Variants in ZNF462 observed in about 807,000 individuals in gnomAD.
ZNF462 encodes the protein zinc finger PBX1-interacting protein.
A neutral mutation model predicts 201.9 loss-of-function variants in ZNF462; 10 were observed. That is an observed-to-expected ratio of 0.05 (90% CI 0.03 to 0.08). ZNF462 has a LOEUF of 0.08. ZNF462 is among the 10% of genes least tolerant of loss of function. ZNF462 has a pLI of 1.00. For synonymous variants in ZNF462, 1,227 were observed against 1,193.3 expected, an observed-to-expected ratio of 1.03 and a Z score of -0.58; for missense variants, 2,523 against 3,168.3, an observed-to-expected ratio of 0.80 and a Z score of 4.89.
In ZNF462 at chr9:106,984,462, A is replaced by C; in HGVS notation, c.7056+53A>C. 1 of 1,454,036 alleles carries C rather than the reference A, an allele frequency of 6.9e-7. No homozygotes were observed. Among genetic ancestry groups the C allele is most frequent in the Non-Finnish European group, 9.4e-7 (1 of 1,059,328 alleles). The allele number at this position is 1,454,036 out of a possible 1,614,324, so 90.1% of individuals were successfully genotyped here. A position where few individuals can be genotyped will look rare whatever the true frequency, so the allele number is the denominator to read the frequency against. ...CTCAGCACACTTGTGGGGAGGGGCC[A>C]AGGGGGAGACACCACTGCATTTAGT... On this transcript the variant is annotated intron_variant, in intron 10 of 12. Coordinates refer to ENST00000277225, the MANE Select transcript of ZNF462 (RefSeq NM_021224.6). The surrounding 1 kb of genome is among the most constrained non-coding windows in gnomAD (Gnocchi z 6.4).
rs556851504 is a variant in ZNF462, at chr9:106,984,474, C to G, written c.7056+65C>G. Reference sequence around the variant, plus strand: ...GTGGGGAGGGGCCAAGGGGGAGACACCACTGCATTTAGTCACGACCACTGT... The same window carrying G: ...GTGGGGAGGGGCCAAGGGGGAGACAGCACTGCATTTAGTCACGACCACTGT... On this transcript the variant is annotated intron_variant, in intron 10 of 12. Coordinates refer to ENST00000277225, the MANE Select transcript of ZNF462 (RefSeq NM_021224.6). The surrounding 1 kb of genome is among the most constrained non-coding windows in gnomAD (Gnocchi z 6.4). 5 of 1,318,428 alleles carry G rather than the reference C, an allele frequency of 3.8e-6. No homozygotes were observed. The highest frequency in any genetic ancestry group is 5.3e-6 in the Non-Finnish European group (5 of 945,338). 81.7% of individuals were successfully genotyped at this position (1,318,428 alleles called of 1,614,324 possible).
Position 106,961,458 on chromosome 9 carries a change from A to G in ZNF462, c.6428-10547A>G, listed in dbSNP as rs555226848. On this transcript the variant is annotated intron_variant, in intron 7 of 12. Coordinates refer to ENST00000277225, the MANE Select transcript of ZNF462 (RefSeq NM_021224.6). Reference sequence around the variant, plus strand: ...GAAGACTCTTAAACCTCAGTATCCAAAGAGAGAGTAGCATTTGGTCAGTTG... The same window carrying G: ...GAAGACTCTTAAACCTCAGTATCCAGAGAGAGAGTAGCATTTGGTCAGTTG... Among the ~76,000 whole-genome samples the G allele has an allele frequency of 2.0e-5, 3 of 152,178 alleles. No homozygotes were observed. In the East Asian group the frequency reaches 5.8e-4, roughly 29 times the overall value.
Position 107,003,484 on chromosome 9 carries a change from C to G in ZNF462, c.7189+58C>G. 3 of 1,590,122 alleles carry G rather than the reference C, an allele frequency of 1.9e-6. No homozygotes were observed. The highest frequency in any genetic ancestry group is 1.1e-5 in the South Asian group (1 of 87,494). On this transcript the variant is annotated intron_variant, in intron 11 of 12. Coordinates refer to ENST00000277225, the MANE Select transcript of ZNF462 (RefSeq NM_021224.6). This position sits in a 1 kb window ranked among gnomAD's most constrained non-coding sequence, Gnocchi z 4.4. ...GGCATCTGGCATGTCCGTAGTGAGA[C>G]AGAAGGGAGGCAGGAGGTTGTTGTA...
rs1828446009 is a variant in ZNF462, at chr9:106,993,511, G to A, written c.7056+9102G>A. 1.3e-5 allele frequency among the ~76,000 whole-genome samples: 2 copies of A among 151,988 alleles called. No homozygotes were observed. Among genetic ancestry groups the A allele is most frequent in the South Asian group, 4.2e-4 (2 of 4,814 alleles). ...TTAGGATCTAAAGGAAACAGTGCAG[G>A]TTATTTGAAATTTTATTTTTTTATC... On this transcript the variant is annotated intron_variant, in intron 10 of 12. Transcript: ENST00000277225. This position sits in a 1 kb window ranked among gnomAD's most constrained non-coding sequence, Gnocchi z 4.0.
Position 106,863,375 on chromosome 9 carries a change from A to AACC in ZNF462, c.-31+24_-31+26dup. The stretch of plus-strand genomic sequence containing the variant: ...TCTTCTGTAAGTTACTGCAATTAAC[A>AACC]ACCACCTCGGGGTGGTCCGAGTGCT... On this transcript the variant is annotated intron_variant, in intron 1 of 12. Transcript: ENST00000277225. The AACC allele has an allele frequency of 2.5e-6, 1 of 394,756 alleles. No homozygotes were observed. The highest frequency in any genetic ancestry group is 6.4e-4 in the Middle Eastern group (1 of 1,560). 24.5% of individuals were successfully genotyped at this position (394,756 alleles called of 1,614,324 possible). A position where few individuals can be genotyped will look rare whatever the true frequency, so the allele number is the denominator to read the frequency against.
At chr9:106,956,032 C>A in intron 7 of ZNF462, among the ~76,000 whole-genome samples, 1 of 152,088 alleles carries the variant, frequency 6.6e-6, no homozygotes, top group Admixed American at 6.6e-5. Context: ...ATTTTGACGT[C>A]CTCCCATGAA....
In ZNF462 at chr9:106,974,904, A is replaced by G. The variant is rs962418156; in HGVS notation, c.6832+631A>G. On this transcript the variant is annotated intron_variant, in intron 9 of 12. Transcript: ENST00000277225. The surrounding 1 kb of genome is among the most constrained non-coding windows in gnomAD (Gnocchi z 4.0). ...TGATTGTACCTATGAGATAATGGGT[A>G]AAGTGTCCAGTGGTTTTTCATAATG... 7 of 152,848 alleles carry G rather than the reference A, an allele frequency of 4.6e-5. No individual in the cohort carries two copies. Among genetic ancestry groups the G allele is most frequent in the African/African-American group, 1.7e-4 (7 of 41,448 alleles). 9.5% of individuals were successfully genotyped at this position (152,848 alleles called of 1,614,324 possible).
At chr9:106,975,272 C>T (rs1275144421) in intron 9 of ZNF462, 1 of 152,170 alleles carries the variant, frequency 6.6e-6, no homozygotes, top group African/African-American at 2.4e-5. Flanking sequence ...CTTAGAAAGC[C>T]TTCCAATATT....
chr9:106,955,494 T>C (rs1831534682), intron 7 of ZNF462, among the ~76,000 whole-genome samples: 1 of 152,204 alleles, frequency 6.6e-6, no homozygotes, highest in African/African-American at 2.4e-5. Context: ...TGCTGACTGA[T>C]CAGGGTGGTG....
rs959512534 is a variant in ZNF462, at chr9:106,938,128, T to C, written c.6236-788T>C. On this transcript the variant is annotated intron_variant, in intron 6 of 12. Coordinates refer to ENST00000277225, the MANE Select transcript of ZNF462 (RefSeq NM_021224.6). The surrounding 1 kb of genome is among the most constrained non-coding windows in gnomAD (Gnocchi z 4.4). ...AAGGTAAATCACACTTTAACTTAATTTGGTCATGGTGATCTGTGTTGTATT... is the reference window on the plus strand; with the variant it reads ...AAGGTAAATCACACTTTAACTTAATCTGGTCATGGTGATCTGTGTTGTATT... Among the ~76,000 whole-genome samples the C allele has an allele frequency of 6.6e-6, 1 of 152,180 alleles. No individual in the cohort carries two copies. The highest frequency in any genetic ancestry group is 2.4e-5 in the African/African-American group (1 of 41,456).
At position 106,929,435 on chromosome 9, in the gene ZNF462, C is replaced by T; in HGVS notation, c.5523C>T (p.Ile1841=). ...AGGTGGAGGGTGAAGCTCAGGAAAT[C>T]GAGTGGCTCCCATTCCGCTGCATCA... The part of the protein sequence containing the change: ...KAEVEGEAQE[I]EWLPFRCIKC... The change falls in exon 3 of 13, where the codon ATC becomes ATT. Residue 1841 remains isoleucine (I), a synonymous_variant. Coordinates refer to ENST00000277225, the MANE Select transcript of ZNF462 (RefSeq NM_021224.6). The surrounding 1 kb of genome is among the most constrained non-coding windows in gnomAD (Gnocchi z 8.7). 3 of 1,614,052 alleles carry T rather than the reference C, an allele frequency of 1.9e-6. No homozygotes were observed. Among genetic ancestry groups the T allele is most frequent in the South Asian group, 1.1e-5 (1 of 91,080 alleles).
At chr9:106,863,064 A>AG, upstream of ZNF462, 1 of 390,212 alleles carries the variant, frequency 2.6e-6, no homozygotes, top group Non-Finnish European at 4.5e-6. Context: ...GAGGAGAGAG[A>AG]AGAGGAGAGA....
In ZNF462 at chr9:106,924,349, G is replaced by A. The variant is rs776197342; in HGVS notation, c.437G>A (p.Gly146Glu). 1 of 1,614,108 alleles carries A rather than the reference G, an allele frequency of 6.2e-7. No homozygotes were observed. The highest frequency in any genetic ancestry group is 8.5e-7 in the Non-Finnish European group (1 of 1,180,036). The part of the protein sequence containing the change: ...EGSSSGPPVP[G>E]SLNYNIMMHE... The stretch of plus-strand genomic sequence containing the variant: ...AGTTCATCAGGACCCCCTGTCCCGG[G>A]ATCCTTAAATTATAATATCATGATG... The change falls in exon 3 of 13, where the codon GGA becomes GAA. Residue 146 changes from glycine to glutamate, a missense_variant. Around this residue, in one of 15 missense-constraint regions of ZNF462, gnomAD observed 480 missense variants for 544.4 expected, o/e 0.88. Transcript: ENST00000277225. This position sits in a 1 kb window ranked among gnomAD's most constrained non-coding sequence, Gnocchi z 6.2.
At position 106,928,245 on chromosome 9, in the gene ZNF462, C is replaced by G; in HGVS notation, c.4333C>G (p.Pro1445Ala). 6.2e-7 allele frequency: 1 copy of G among 1,614,080 alleles called. No individual in the cohort carries two copies. Among genetic ancestry groups the G allele is most frequent in the Non-Finnish European group, 8.5e-7 (1 of 1,180,018 alleles). The change falls in exon 3 of 13, where the codon CCA becomes GCA. Residue 1445 changes from proline to alanine, a missense_variant. By Grantham distance (27) the Pro-to-Ala change is conservative. Around this residue, in one of 15 missense-constraint regions of ZNF462, gnomAD observed 165 missense variants for 142.6 expected, o/e 1.16. Coordinates refer to ENST00000277225, the MANE Select transcript of ZNF462 (RefSeq NM_021224.6). The surrounding 1 kb of genome is among the most constrained non-coding windows in gnomAD (Gnocchi z 9.3). Reference protein sequence around the residue: ...TPFPEQEAECPEDARLSPEKS... With the variant: ...TPFPEQEAECAEDARLSPEKS... ...TTTCCCGGAGCAGGAAGCTGAATGT[C>G]CAGAGGATGCAAGACTGTCCCCTGA...
At chr9:106,986,296 T>G (rs1482980117) in intron 10 of ZNF462, among the ~76,000 whole-genome samples, 1 of 152,148 alleles carries the variant, frequency 6.6e-6, no homozygotes, top group East Asian at 1.9e-4. Flanking sequence ...ATTAAGAGCT[T>G]TTGAACCAAA....
intron 11 of ZNF462, among the ~76,000 whole-genome samples, chr9:107,004,678 G>A (rs538324978): frequency 2.4e-4 from 36 of 152,068 alleles, no homozygotes; most frequent in Admixed American, 2.4e-3. Flanking sequence ...ATTAAATCAA[G>A]CTAATTAACA....
rs958655824 is a variant in ZNF462, at chr9:107,012,944, G to A, written c.*1914G>A. ...TTTAATTTAATTTTTTTAAGGGATG[G>A]GGGCCATCATGTGGAAACCAGAAAA... On this transcript the variant is annotated 3_prime_UTR_variant, in exon 13 of 13. Transcript: ENST00000277225. 38 of 151,618 alleles carry A rather than the reference G, an allele frequency of 2.5e-4. No homozygotes were observed. The highest frequency in any genetic ancestry group is 9.0e-4 in the African/African-American group (37 of 41,312). The allele number at this position is 151,618 out of a possible 1,614,324, so 9.4% of individuals were successfully genotyped here.
chr9:106,971,732 G>T (rs1826625939), intron 7 of ZNF462, among the ~76,000 whole-genome samples: 1 of 152,146 alleles, frequency 6.6e-6, no homozygotes, highest in Non-Finnish European at 1.5e-5. Context: ...GAAATTTGCT[G>T]GGGGAGTAGG....
Position 106,923,360 on chromosome 9 carries a change from A to G in ZNF462, c.-24A>G, listed in dbSNP as rs1370081404. ...GTTCTGACTTCTGCCACAGGTTCCT[A>G]ATGTGAGAGGCTAGACCCAGATCAT... On this transcript the variant is annotated 5_prime_UTR_variant, in exon 2 of 13. Transcript: ENST00000277225. This position sits in a 1 kb window ranked among gnomAD's most constrained non-coding sequence, Gnocchi z 5.6. The G allele has an allele frequency of 1.9e-6, 3 of 1,612,304 alleles. No individual in the cohort carries two copies. Among genetic ancestry groups the G allele is most frequent in the Non-Finnish European group, 2.5e-6 (3 of 1,178,692 alleles).
Sources: gnomAD v4.1 joint callset for allele counts (sites outside exome capture counted in the v4.1 genomes callset) on GRCh38, gnomAD v4.1.1 for gene constraint, gnomAD v4.1.1 regional missense constraint, Gnocchi (gnomAD v3.1) non-coding constraint, MANE v1.5 for transcripts, NCBI Gene and HGNC (gene_info 2026-07-23, HGNC 2026-07-21) for gene names.